PON2: variants seen among roughly 807,000 people sequenced by gnomAD.
PON2 encodes serum paraoxonase/arylesterase 2.
In PON2, 27 loss-of-function variants were observed where a neutral mutation model predicts 36.6. That is an observed-to-expected ratio of 0.74 (90% CI 0.54 to 1.02). The LOEUF is 1.02. PON2 is among the 50% of genes least tolerant of loss of function. The pLI, the probability that PON2 is intolerant of heterozygous loss-of-function variation, is 0.00. For synonymous variants in PON2, 149 were observed against 156.3 expected, an observed-to-expected ratio of 0.95 and a Z score of 0.35; for missense variants, 363 against 421.1, an observed-to-expected ratio of 0.86 and a Z score of 1.21.
At chr7:95,409,079 G>A (rs1251440926) in intron 6 of PON2, among the ~76,000 whole-genome samples, 2 of 152,136 alleles carry the variant, frequency 1.3e-5, no homozygotes, top group Non-Finnish European at 2.9e-5. Context: ...TCGGGAGGCT[G>A]AGGTGGGCGG....
In PON2 at chr7:95,433,377, G is replaced by C. The variant is rs565448848; in HGVS notation, c.74+1501C>G. Among the ~76,000 whole-genome samples the C allele has an allele frequency of 5.9e-5, 9 of 152,248 alleles. No homozygotes were observed. In the East Asian group the frequency reaches 1.5e-3, roughly 26 times the overall value. Reference sequence around the variant, plus strand: ...GGCCTCCAACAGTGCTGGGATTACAGGTGTGAGCTGTAGATTCTGATCCAG... The same window carrying C: ...GGCCTCCAACAGTGCTGGGATTACACGTGTGAGCTGTAGATTCTGATCCAG... On this transcript the variant is annotated intron_variant, in intron 1 of 8. Coordinates refer to ENST00000222572, the MANE Select transcript of PON2 (RefSeq NM_000305.3).
In PON2 at chr7:95,404,977, G is replaced by A. The variant is rs1209519320; in HGVS notation, c.*353C>T. ...TCTAAACAGCCATAGTAGTCACAGTGCCAGAAGTGAGGTCACTCACATTTT... is the reference window on the plus strand; with the variant it reads ...TCTAAACAGCCATAGTAGTCACAGTACCAGAAGTGAGGTCACTCACATTTT... On this transcript the variant is annotated 3_prime_UTR_variant, in exon 9 of 9. Transcript: ENST00000222572. 1.6e-5 allele frequency: 4 copies of A among 247,556 alleles called. No homozygotes were observed. The highest frequency in any genetic ancestry group is 3.2e-5 in the Non-Finnish European group (4 of 123,772). The allele number at this position is 247,556 out of a possible 1,614,324, so 15.3% of individuals were successfully genotyped here. A position where few individuals can be genotyped will look rare whatever the true frequency, so the allele number is the denominator to read the frequency against.
intron 2 of PON2, among the ~76,000 whole-genome samples, chr7:95,419,355 A>T (rs1280387371): frequency 6.6e-6 from 1 of 152,146 alleles, no homozygotes; most frequent in African/African-American, 2.4e-5. Flanking sequence ...TCCACTGCTC[A>T]GGGGAATTAG....
At position 95,411,637 on chromosome 7, in the gene PON2, C is replaced by A; in HGVS notation, c.494+16G>T. The A allele has an allele frequency of 6.2e-7, 1 of 1,613,732 alleles. No homozygotes were observed. The highest frequency in any genetic ancestry group is 1.7e-4 in the Middle Eastern group (1 of 6,060). ...TGCTGGGGATAAATTAGAGAAGGAA[C>A]AAAATGAGGAAGTACCTTGGAAGAA... is the stretch of plus-strand genomic sequence containing the variant. On this transcript the variant is annotated intron_variant, in intron 5 of 8. Coordinates refer to ENST00000222572, the MANE Select transcript of PON2 (RefSeq NM_000305.3).
At chr7:95,432,383 T>C (rs540288117) in intron 1 of PON2, among the ~76,000 whole-genome samples, 1 of 152,266 alleles carries the variant, frequency 6.6e-6, no homozygotes, top group East Asian at 1.9e-4. Context: ...TACTCTGGCT[T>C]GGGCGGCAGA....
At position 95,425,196 on chromosome 7, in the gene PON2, T is replaced by C. The variant is rs557180684; in HGVS notation, c.75-611A>G. ...GGTTTTTGGTTACATGGATGAGTGATATAGCAGTGAATTCTGAGATTTTAG... is the reference window on the plus strand; with the variant it reads ...GGTTTTTGGTTACATGGATGAGTGACATAGCAGTGAATTCTGAGATTTTAG... On this transcript the variant is annotated intron_variant, in intron 1 of 8. Coordinates refer to ENST00000222572, the MANE Select transcript of PON2 (RefSeq NM_000305.3). Among the ~76,000 whole-genome samples the C allele has an allele frequency of 2.6e-4, 40 of 152,324 alleles. No homozygotes were observed. In the East Asian group the frequency reaches 7.5e-3, roughly 29 times the overall value.
intron 3 of PON2, among the ~76,000 whole-genome samples, chr7:95,415,498 G>C (rs547785436): frequency 6.6e-6 from 1 of 152,214 alleles, no homozygotes; most frequent in East Asian, 1.9e-4. Flanking sequence ...AAAAGGGCAA[G>C]GTTGGTATAA....
chr7:95,426,159 G>A (rs780908437), intron 1 of PON2, among the ~76,000 whole-genome samples: 9 of 152,062 alleles, frequency 5.9e-5, no homozygotes, highest in African/African-American at 2.4e-5. Flanking sequence ...TCACTACCTG[G>A]GTGATGGCAT....
rs2286232 is a variant in PON2, at chr7:95,410,133, C to T, written c.495-32G>A. ...AAGAAAAATAGCATGTGAGAGGAAA[C>T]AAAAGGCCTGTTGGTCTCCATATTA... On this transcript the variant is annotated intron_variant, in intron 5 of 8. Coordinates refer to ENST00000222572, the MANE Select transcript of PON2 (RefSeq NM_000305.3). The T allele has an allele frequency of 0.25, 389,246 of 1,544,858 alleles. 49,429 individuals carry two copies. Among genetic ancestry groups the T allele is most frequent in the South Asian group, 0.36 (32,152 of 89,144 alleles).
intron 1 of PON2, among the ~76,000 whole-genome samples, chr7:95,431,658 G>A (rs1789444725): frequency 1.3e-5 from 2 of 151,884 alleles, no homozygotes; most frequent in Non-Finnish European, 2.9e-5. Flanking sequence ...GACCTCTAGT[G>A]ATCTGCCCGC....
In PON2 at chr7:95,411,779, T is replaced by C. The variant is rs779161160; in HGVS notation, c.368A>G (p.Asp123Gly). 4 of 1,613,478 alleles carry C rather than the reference T, an allele frequency of 2.5e-6. No homozygotes were observed. The highest frequency in any genetic ancestry group is 2.5e-6 in the Non-Finnish European group (3 of 1,179,632). The change falls in exon 5 of 9, where the codon GAT becomes GGT. Residue 123 changes from aspartate to glycine, a missense_variant and splice_region_variant. Coordinates refer to ENST00000222572, the MANE Select transcript of PON2 (RefSeq NM_000305.3). ...PHGISTFIDNDDTVYLFVVNH... is the reference protein window; with the variant it reads ...PHGISTFIDNGDTVYLFVVNH... ...TACAACAAAGAGATAAACTGTGTCA[T>C]CTAAAGAATTGAAAGAACAGAGTTA...
chr7:95,415,968 T>A (rs974299808), intron 3 of PON2: 51 of 556,226 alleles, frequency 9.2e-5, no homozygotes, highest in African/African-American at 7.4e-4. Flanking sequence ...ATAAAAAAAA[T>A]TAAAAAAGAA....
chr7:95,416,365 G>A (rs1238159580), intron 2 of PON2, 68 bp from the exon 3 acceptor site: 15 of 1,526,136 alleles, frequency 9.8e-6, no homozygotes, highest in Non-Finnish European at 1.4e-5. Context: ...AGCATAACTG[G>A]GACTCTGTTT....
intron 2 of PON2, among the ~76,000 whole-genome samples, chr7:95,423,237 G>A (rs1000659194): frequency 4.7e-5 from 7 of 149,214 alleles, no homozygotes; most frequent in Non-Finnish European, 1.0e-4. Context: ...CGGGAGGATC[G>A]CTTGAGCCCA....
intron 1 of PON2, among the ~76,000 whole-genome samples, chr7:95,433,480 G>A (rs868649090): frequency 6.6e-6 from 1 of 152,088 alleles, no homozygotes; most frequent in African/African-American, 2.4e-5. Flanking sequence ...GAGAACCATT[G>A]CTCTCCTCCA....
chr7:95,416,076 A>T, intron 3 of PON2, 166 bp downstream of exon 3: 1 of 1,294,608 alleles, frequency 7.7e-7, no homozygotes, highest in Non-Finnish European at 1.1e-6. Context: ...CTTCATCTCT[A>T]CATTTAGAAA....
rs1020406289 is a variant in PON2 at position 95,422,510 on chromosome 7, G to A, written c.145+2005C>T. Reference sequence around the variant, plus strand: ...AGTTGTGAAGAAAAGGTAACATTATGTACAAACATAAGTTTCCAAAACCTA... The same window carrying A: ...AGTTGTGAAGAAAAGGTAACATTATATACAAACATAAGTTTCCAAAACCTA... On this transcript the variant is annotated intron_variant, in intron 2 of 8. Coordinates refer to ENST00000222572, the MANE Select transcript of PON2 (RefSeq NM_000305.3). Among the ~76,000 whole-genome samples the A allele has an allele frequency of 2.0e-5, 3 of 152,138 alleles. No homozygotes were observed. In the East Asian group the frequency reaches 5.8e-4, roughly 29 times the overall value.
At chr7:95,412,193 A>T in intron 4 of PON2, 119 bp downstream of exon 4, 1 of 1,341,064 alleles carries the variant, frequency 7.5e-7, no homozygotes, top group African/African-American at 1.4e-5. Flanking sequence ...TGAAGAATAC[A>T]GAAATCACTC....
At chr7:95,432,984 T>C (rs1789477572) in intron 1 of PON2, among the ~76,000 whole-genome samples, 3 of 152,192 alleles carry the variant, frequency 2.0e-5, no homozygotes, top group Admixed American at 2.0e-4. Flanking sequence ...CTTAACCAGT[T>C]ACCCCATGTC....
Sources: allele counts gnomAD v4.1 joint callset (sites outside exome capture counted in the v4.1 genomes callset), GRCh38; gene constraint gnomAD v4.1.1; transcripts MANE v1.5; gene names NCBI Gene and HGNC (gene_info 2026-07-23, HGNC 2026-07-21).